The following NADSYN1 variants were observed in gnomAD, a reference collection of about 807,000 sequenced individuals.
The protein encoded by NADSYN1 is glutamine-dependent NAD(+) synthetase.
NADSYN1 carries 80 observed loss-of-function variants against 99.3 expected under a neutral mutation model. The ratio of observed to expected loss-of-function variants is 0.81; its 90% CI spans 0.67 to 0.97. The LOEUF (loss-of-function observed/expected upper bound fraction) is 0.97, where lower values mean the gene tolerates loss of function less well. Ranked by LOEUF, NADSYN1 falls within the 50% of genes least tolerant of loss-of-function variation. The pLI is 0.00. For synonymous variants in NADSYN1, 385 were observed against 372.1 expected, an observed-to-expected ratio of 1.03 and a Z score of -0.40; for missense variants, 859 against 948.5, an observed-to-expected ratio of 0.91 and a Z score of 1.24.
At position 71,484,396 on chromosome 11, in the gene NADSYN1, T is replaced by G; in HGVS notation, c.1404T>G (p.Phe468Leu). The change falls in exon 15 of 21, where the codon TTT becomes TTG. Residue 468 changes from phenylalanine (F) to leucine (L), a missense_variant. Physicochemically the swap from Phe to Leu is conservative, Grantham distance 22. Coordinates refer to ENST00000319023, the MANE Select transcript of NADSYN1 (RefSeq NM_018161.5). ...FSLVTGKSPLFAAHGGSSREN... is the reference protein window; with the variant it reads ...FSLVTGKSPLLAAHGGSSREN... ...TGGTGACGGGGAAGAGCCCTCTGTTTGCAGCTCATGGAGGAAGCAGCAGGG... is the reference window on the plus strand; with the variant it reads ...TGGTGACGGGGAAGAGCCCTCTGTTGGCAGCTCATGGAGGAAGCAGCAGGG... The G allele has an allele frequency of 6.2e-7, 1 of 1,614,208 alleles. No homozygotes were observed. Among genetic ancestry groups the G allele is most frequent in the Non-Finnish European group, 8.5e-7 (1 of 1,180,018 alleles).
In NADSYN1 at chr11:71,473,258, C is replaced by T. The variant is rs765103123; in HGVS notation, c.460-20C>T. On this transcript the variant is annotated intron_variant, in intron 6 of 20. Transcript: ENST00000319023. ...GGGCATGGCTAGTGAATCTCATGCA[C>T]TCTTCTCTTCCGACTGCAGGAAACC... 18 of 1,611,762 alleles carry T rather than the reference C, an allele frequency of 1.1e-5. 1 individual carries two copies. The highest frequency in any genetic ancestry group is 1.5e-5 in the Non-Finnish European group (18 of 1,177,916).
At chr11:71,491,162 C>T (rs900141422) in intron 17 of NADSYN1, among the ~76,000 whole-genome samples, 186 bp downstream of exon 17, 4 of 152,248 alleles carry the variant, frequency 2.6e-5, no homozygotes, top group Non-Finnish European at 5.9e-5. Flanking sequence ...CTCCACAGCC[C>T]CCCGGCTCCG....
intron 5 of NADSYN1, among the ~76,000 whole-genome samples, chr11:71,466,028 CT>C (rs1949586760): frequency 6.6e-6 from 1 of 152,152 alleles, no homozygotes; most frequent in African/African-American, 2.4e-5. Flanking sequence ...GAGCAAAATT[CT>C]TTGCTAATGG....
chr11:71,463,941 T>G (rs1949568849), intron 4 of NADSYN1, 112 bp from the exon 5 acceptor site: 1 of 897,268 alleles, frequency 1.1e-6, no homozygotes, highest in Non-Finnish European at 1.7e-6. Context: ...GGGGCCCCAT[T>G]CTCAAGCTGA....
chr11:71,490,956 C>G lies in NADSYN1; in HGVS notation c.1674C>G (p.Phe558Leu). ...TCGTCCAGTTCTGCATCCAGCGCTT[C>G]CAGCTTCCTGCCCTGCAGAGGTGAG... Reference protein sequence around the residue: ...RAFVQFCIQRFQLPALQSILL... With the variant: ...RAFVQFCIQRLQLPALQSILL... Residue 558 changes from phenylalanine to leucine, a missense_variant, in exon 17 of 21, where the codon TTC becomes TTG. Phe to Leu is a conservative substitution (Grantham distance 22). Coordinates refer to ENST00000319023, the MANE Select transcript of NADSYN1 (RefSeq NM_018161.5). 1 of 1,614,232 alleles carries G rather than the reference C, an allele frequency of 6.2e-7. No homozygotes were observed. The highest frequency in any genetic ancestry group is 8.5e-7 in the Non-Finnish European group (1 of 1,180,034).
chr11:71,500,453 C>T (rs1292454124), intron 20 of NADSYN1, among the ~76,000 whole-genome samples: 2 of 152,092 alleles, frequency 1.3e-5, no homozygotes, highest in Admixed American at 1.3e-4. Flanking sequence ...GGTCTGTGCT[C>T]CCAGCATCCC....
At chr11:71,473,138 C>T in intron 6 of NADSYN1, 140 bp from the exon 7 acceptor site, 1 of 797,274 alleles carries the variant, frequency 1.3e-6, no homozygotes, top group Non-Finnish European at 2.1e-6. Context: ...AGCCGCAGGG[C>T]ACCCACCTCT....
rs769227804 is a variant in NADSYN1 at position 71,498,417 on chromosome 11, C to A, written c.1959C>A (p.Leu653=). 1 of 1,614,036 alleles carries A rather than the reference C, an allele frequency of 6.2e-7. No individual in the cohort carries two copies. The highest frequency in any genetic ancestry group is 1.3e-5 in the African/African-American group (1 of 74,924). ...YSMNRHKMTT[L]TPAYHAENYS... The stretch of plus-strand genomic sequence containing the variant: ...TGAACAGACACAAGATGACCACGCT[C>A]ACACCCGCGTACCACGCCGAGAACT... Residue 653 remains leucine (L), a synonymous_variant, in exon 20 of 21, where the codon CTC becomes CTA. Transcript: ENST00000319023.
At chr11:71,455,299 G>T (rs929874000) in intron 2 of NADSYN1, 129 bp downstream of exon 2, 48 of 728,930 alleles carry the variant, frequency 6.6e-5, no homozygotes, top group East Asian at 5.6e-4. Flanking sequence ...CCACTGTTGG[G>T]CCTGGTTAAT....
At chr11:71,498,137 C>T (rs116183550) in intron 19 of NADSYN1, among the ~76,000 whole-genome samples, 1,981 of 152,238 alleles carry the variant, frequency 0.013, 32 homozygotes, top group African/African-American at 0.032. Context: ...TGGGGGACCC[C>T]GGTTTCATAG....
In NADSYN1 at chr11:71,482,905, C is replaced by A. The variant is rs184748544; in HGVS notation, c.1207C>A (p.Gln403Lys). 410 of 1,613,252 alleles carry A rather than the reference C, an allele frequency of 2.5e-4. 5 individuals carry two copies. In the East Asian group the frequency reaches 6.2e-3, roughly 25 times the overall value. ...TIVNQISYTP[Q>K]DPRDLCGRIL... Reference sequence around the variant, plus strand: ...CGTGAACCAGATCAGCTACACCCCCCAGGATCCCCGAGACCTCTGTGGACG... The same window carrying A: ...CGTGAACCAGATCAGCTACACCCCCAAGGATCCCCGAGACCTCTGTGGACG... Residue 403 changes from glutamine to lysine, a missense_variant, in exon 14 of 21, where the codon CAG becomes AAG. Gln to Lys is a moderately conservative substitution (Grantham distance 53, BLOSUM62 1). Coordinates refer to ENST00000319023, the MANE Select transcript of NADSYN1 (RefSeq NM_018161.5).
chr11:71,501,024 C>T (rs1949853985), intron 20 of NADSYN1, among the ~76,000 whole-genome samples: 1 of 152,024 alleles, frequency 6.6e-6, no homozygotes, highest in Non-Finnish European at 1.5e-5. Flanking sequence ...GAAGGGGGTT[C>T]AGACACTATG....
At position 71,472,401 on chromosome 11, in the gene NADSYN1, T is replaced by C. The variant is rs779973577; in HGVS notation, c.408-48T>C. ...GTTTAAATGTAGCCGCCATTCCTCA[T>C]TTGTCCTGAGATGCTCATCCTCAGC... On this transcript the variant is annotated intron_variant, in intron 5 of 20. Coordinates refer to ENST00000319023, the MANE Select transcript of NADSYN1 (RefSeq NM_018161.5). 10 of 1,481,288 alleles carry C rather than the reference T, an allele frequency of 6.8e-6. No individual in the cohort carries two copies. The East Asian group carries it at 9.0e-5, about 13-fold the overall frequency. 91.8% of individuals were successfully genotyped at this position (1,481,288 alleles called of 1,614,324 possible).
intron 20 of NADSYN1, among the ~76,000 whole-genome samples, chr11:71,500,659 G>A (rs75001035): frequency 2.1e-3 from 317 of 152,330 alleles, no homozygotes; most frequent in Non-Finnish European, 4.0e-3. Context: ...GCTGATTTCC[G>A]TGGAAAGGAA....
chr11:71,463,215 G>A (rs975973813), intron 3 of NADSYN1, among the ~76,000 whole-genome samples: 5 of 152,194 alleles, frequency 3.3e-5, no homozygotes, highest in Non-Finnish European at 7.3e-5. Context: ...AGCTCCTCTA[G>A]GCTTAGAGTC....
chr11:71,477,042 G>T, intron 9 of NADSYN1: 1 of 1,070,816 alleles, frequency 9.3e-7, no homozygotes, highest in Non-Finnish European at 1.1e-6. Context: ...CCTCCGTGGT[G>T]CACCTGAAAT....
rs1170926080 is a variant in NADSYN1, at chr11:71,490,980, A to T, written c.1694+4A>T. Reference sequence around the variant, plus strand: ...TCCAGCTTCCTGCCCTGCAGAGGTGAGTGTGCTCACGGGCTGTGGCTCCAC... The same window carrying T: ...TCCAGCTTCCTGCCCTGCAGAGGTGTGTGTGCTCACGGGCTGTGGCTCCAC... On this transcript the variant is annotated splice_donor_region_variant and intron_variant, in intron 17 of 20. Coordinates refer to ENST00000319023, the MANE Select transcript of NADSYN1 (RefSeq NM_018161.5). 6.2e-7 allele frequency: 1 copy of T among 1,613,906 alleles called. No homozygotes were observed. The highest frequency in any genetic ancestry group is 1.1e-5 in the South Asian group (1 of 91,058).
intron 1 of NADSYN1, 102 bp downstream of exon 1, chr11:71,453,483 C>A: frequency 9.0e-7 from 1 of 1,105,028 alleles, no homozygotes; most frequent in Non-Finnish European, 1.3e-6. Flanking sequence ...CCCTGGGAAA[C>A]TCTCGGCCCT....
intron 1 of NADSYN1, among the ~76,000 whole-genome samples, 171 bp downstream of exon 1, chr11:71,453,552 C>T (rs956222737): frequency 6.6e-6 from 1 of 152,164 alleles, no homozygotes; most frequent in Non-Finnish European, 1.5e-5. Context: ...GTGCTCAGGT[C>T]CTCGTCGGGA....
Sources: allele counts gnomAD v4.1 joint callset (sites outside exome capture counted in the v4.1 genomes callset), GRCh38; gene constraint gnomAD v4.1.1; transcripts MANE v1.5; gene names NCBI Gene and HGNC (gene_info 2026-07-23, HGNC 2026-07-21).